The following ACKR2 variants were observed in gnomAD, a reference collection of about 807,000 sequenced individuals.
ACKR2 encodes C-C chemokine receptor D6.
For missense variants in ACKR2, 457 were observed against 477.3 expected (o/e 0.96, Z 0.40); for synonymous variants, 207 against 192.2 (o/e 1.08, Z -0.64).
chr3:42,857,993 G>T (rs1394486798), intron 2 of ACKR2, among the ~76,000 whole-genome samples: 2 of 152,246 alleles, frequency 1.3e-5, no homozygotes. Context: ...TCCGGGCAGG[G>T]CATCTCTGAA....
chr3:42,814,678 G>A (rs1700731242), intron 1 of ACKR2, among the ~76,000 whole-genome samples: 1 of 152,146 alleles, frequency 6.6e-6, no homozygotes, highest in Admixed American at 6.5e-5. Context: ...AGCAATTATT[G>A]AATACGTACA....
chr3:42,851,220 A>G (rs1701154768), intron 2 of ACKR2: 1 of 267,458 alleles, frequency 3.7e-6, no homozygotes, highest in Non-Finnish European at 5.8e-6. Context: ...GACTCTTATC[A>G]ATGAGAGAAA....
intron 2 of ACKR2, among the ~76,000 whole-genome samples, chr3:42,840,155 G>T (rs2125613094): frequency 6.7e-6 from 1 of 149,656 alleles, no homozygotes; most frequent in East Asian, 2.1e-4. Flanking sequence ...AGCTACTCGG[G>T]AGACTGAGGC....
intron 2 of ACKR2, among the ~76,000 whole-genome samples, chr3:42,832,647 C>G (rs749547065): frequency 1.3e-5 from 2 of 152,156 alleles, no homozygotes; most frequent in African/African-American, 4.8e-5. Context: ...TACTCTAGAC[C>G]AGTGCTGTCC....
chr3:42,827,754 C>T (rs867226397), intron 2 of ACKR2, among the ~76,000 whole-genome samples: 3 of 152,110 alleles, frequency 2.0e-5, no homozygotes, highest in Admixed American at 1.3e-4. Context: ...TCTCCCCATG[C>T]GTGGGAAAGA....
chr3:42,853,432 A>C (rs1701184468), intron 2 of ACKR2, among the ~76,000 whole-genome samples: 1 of 152,102 alleles, frequency 6.6e-6, no homozygotes, highest in South Asian at 2.1e-4. Context: ...CCTAGTTGTT[A>C]TTATTGTTAT....
At chr3:42,814,221 T>C (rs891615374) in intron 1 of ACKR2, among the ~76,000 whole-genome samples, 1 of 152,224 alleles carries the variant, frequency 6.6e-6, no homozygotes, top group African/African-American at 2.4e-5. Context: ...AATACAGACA[T>C]TATAATTGGT....
intron 2 of ACKR2, among the ~76,000 whole-genome samples, chr3:42,853,994 T>C (rs556737120): frequency 6.6e-6 from 1 of 152,190 alleles, no homozygotes; most frequent in South Asian, 2.1e-4. Context: ...TCAGGATGGG[T>C]GTGCTTTCAG....
chr3:42,844,900 C>A (rs1021507105), intron 2 of ACKR2, among the ~76,000 whole-genome samples: 1 of 152,160 alleles, frequency 6.6e-6, no homozygotes, highest in Admixed American at 6.5e-5. Context: ...TGGCACCTGT[C>A]CACACGGGCC....
At chr3:42,853,051 A>T (rs565244124) in intron 2 of ACKR2, among the ~76,000 whole-genome samples, 2 of 152,302 alleles carry the variant, frequency 1.3e-5, no homozygotes, top group African/African-American at 4.8e-5. Context: ...GGATAAAAAA[A>T]GGTATCTGGA....
intron 2 of ACKR2, among the ~76,000 whole-genome samples, chr3:42,842,427 AG>A (rs779647193): frequency 1.3e-5 from 2 of 152,178 alleles, no homozygotes; most frequent in South Asian, 4.1e-4. Flanking sequence ...TAGGTGGTAG[AG>A]GGATGTGGCA....
chr3:42,834,029 C>G (rs1337137335), intron 2 of ACKR2, among the ~76,000 whole-genome samples: 2 of 152,150 alleles, frequency 1.3e-5, no homozygotes, highest in African/African-American at 2.4e-5. Flanking sequence ...GTGGTGCGAT[C>G]TTGGCTCACC....
At chr3:42,854,850 CCTTT>C (rs2088295886) in intron 2 of ACKR2, among the ~76,000 whole-genome samples, 3 of 151,420 alleles carry the variant, frequency 2.0e-5, no homozygotes, top group Non-Finnish European at 4.4e-5. Context: ...CTGAATCATA[CCTTT>C]CTTTTTTTTT....
chr3:42,862,584 G>A (rs377753147), intron 2 of ACKR2, among the ~76,000 whole-genome samples: 29 of 152,230 alleles, frequency 1.9e-4, no homozygotes, highest in African/African-American at 7.0e-4. Context: ...AAAGCTGGAG[G>A]CATCACGCTA....
At chr3:42,843,437 T>C (rs1338914812) in intron 2 of ACKR2, among the ~76,000 whole-genome samples, 1 of 152,174 alleles carries the variant, frequency 6.6e-6, no homozygotes, top group Non-Finnish European at 1.5e-5. Context: ...GGTAGTTGGG[T>C]AATATTATTT....
In ACKR2 at chr3:42,866,763, A is replaced by AT. The variant is rs539866670; in HGVS notation, c.*1108dup. The AT allele has an allele frequency of 4.8e-4, 80 of 167,206 alleles. No individual in the cohort carries two copies. The highest frequency in any genetic ancestry group is 6.8e-3 in the Middle Eastern group (2 of 296). 10.4% of individuals were successfully genotyped at this position (167,206 alleles called of 1,614,324 possible). The stretch of plus-strand genomic sequence containing the variant: ...AACAGACTCATTGAATCAGGAACAG[A>AT]TTCACTCCATAAAATACAGAGAGTG... On this transcript the variant is annotated 3_prime_UTR_variant, in exon 3 of 3. Transcript: ENST00000422265.
intron 1 of ACKR2, among the ~76,000 whole-genome samples, chr3:42,816,247 G>T (rs1380960241): frequency 4.0e-5 from 6 of 149,314 alleles, no homozygotes; most frequent in African/African-American, 1.5e-4. Context: ...ATGTCTTTTG[G>T]TTACTGAGGG....
intron 2 of ACKR2, among the ~76,000 whole-genome samples, chr3:42,846,912 G>A (rs949840266): frequency 6.6e-6 from 1 of 152,072 alleles, no homozygotes; most frequent in Non-Finnish European, 1.5e-5. Context: ...GGGCTGGGGA[G>A]CAAAAAGGAG....
chr3:42,844,344 T>C (rs1023043431), intron 2 of ACKR2, among the ~76,000 whole-genome samples: 5 of 151,922 alleles, frequency 3.3e-5, no homozygotes, highest in Non-Finnish European at 5.9e-5. Flanking sequence ...CAGGAGAAAC[T>C]CGGGGAGACA....
Sources: gnomAD v4.1 joint callset for allele counts (sites outside exome capture counted in the v4.1 genomes callset) on GRCh38, gnomAD v4.1.1 for gene constraint, MANE v1.5 for transcripts, NCBI Gene and HGNC (gene_info 2026-07-23, HGNC 2026-07-21) for gene names.